ZNF580: variants seen among roughly 807,000 people sequenced by gnomAD.
The protein encoded by ZNF580 is zinc finger protein 580, also known as LDL-induced EC protein.
Under a neutral mutation model 1.3 loss-of-function variants are expected in ZNF580, and 1 was observed. The observed-to-expected ratio is 0.77, with a 90% CI of 0.27 to 3.65. The LOEUF (loss-of-function observed/expected upper bound fraction) is 3.65, where lower values mean the gene tolerates loss of function less well. ZNF580 is among the 30% of genes most tolerant of loss of function. ZNF580 has a pLI of 0.19. For synonymous variants in ZNF580, 135 were observed against 128.8 expected, an observed-to-expected ratio of 1.05 and a Z score of -0.32; for missense variants, 268 against 272.3, an observed-to-expected ratio of 0.98 and a Z score of 0.11.
At position 55,641,047 on chromosome 19, in the gene ZNF580, C is replaced by G; in HGVS notation, c.-149C>G. ...CCAACCCCTCGCACCCCCGCGCCCC[C>G]AGTCCCCGCGTCCCCGGCGCCGCCG... On this transcript the variant is annotated 5_prime_UTR_variant, in exon 1 of 2. Transcript: ENST00000325333. 8 of 985,158 alleles carry G rather than the reference C, an allele frequency of 8.1e-6. No homozygotes were observed. The highest frequency in any genetic ancestry group is 9.6e-6 in the Non-Finnish European group (8 of 829,744). The allele number at this position is 985,158 out of a possible 1,614,324, so 61.0% of individuals were successfully genotyped here. A position where few individuals can be genotyped will look rare whatever the true frequency, so the allele number is the denominator to read the frequency against.
chr19:55,642,187 T>A, intron 1 of ZNF580: 1 of 1,111,354 alleles, frequency 9.0e-7, no homozygotes, highest in East Asian at 5.1e-5. Context: ...CTGGGGTGGG[T>A]TGAGAGGAGA....
chr19:55,642,090 A>G, intron 1 of ZNF580: 1 of 993,614 alleles, frequency 1.0e-6, no homozygotes, highest in African/African-American at 1.7e-5. Flanking sequence ...AAAAAAGAAG[A>G]AACCACAGAT....
In ZNF580 at chr19:55,642,688, G is replaced by C; in HGVS notation, c.180G>C (p.Gly60=). Reference sequence around the variant, plus strand: ...GCCACCTCCTCATCGACGCCAATGGGGTCCCCTACACATACACGGTGCAGC... The same window carrying C: ...GCCACCTCCTCATCGACGCCAATGGCGTCCCCTACACATACACGGTGCAGC... ...LGRHLLIDAN[G]VPYTYTVQLE... Residue 60 remains glycine (G), a synonymous_variant, in exon 2 of 2, where the codon GGG becomes GGC. Transcript: ENST00000325333. 6.9e-7 allele frequency: 1 copy of C among 1,448,744 alleles called. No individual in the cohort carries two copies. The highest frequency in any genetic ancestry group is 9.1e-7 in the Non-Finnish European group (1 of 1,098,978). The allele number at this position is 1,448,744 out of a possible 1,614,324, so 89.7% of individuals were successfully genotyped here. A position where few individuals can be genotyped will look rare whatever the true frequency, so the allele number is the denominator to read the frequency against.
At chr19:55,642,003 G>A in intron 1 of ZNF580, 2 of 963,992 alleles carry the variant, frequency 2.1e-6, no homozygotes, top group Non-Finnish European at 2.4e-6. Flanking sequence ...GGGCCAGGAG[G>A]CCGATACGGG....
intron 1 of ZNF580, chr19:55,642,083 AAAG>A (rs1211078729): frequency 3.0e-6 from 3 of 990,870 alleles, no homozygotes; most frequent in Non-Finnish European, 3.6e-6. Flanking sequence ...CAACAGGAAA[AAAG>A]AAGAAACCAC....
At position 55,642,538 on chromosome 19, in the gene ZNF580, C is replaced by T; in HGVS notation, c.30C>T (p.His10=). Residue 10 remains histidine (H), a synonymous_variant, in exon 2 of 2, where the codon CAC becomes CAT. Transcript: ENST00000325333. MLLLPPRPP[H]PRSSSPEAMD... is the part of the protein sequence containing the mutation. ...TGCTGCTGCCGCCGCGGCCACCCCA[C>T]CCTCGGTCCTCCTCTCCGGAGGCCA... 2.8e-6 allele frequency: 4 copies of T among 1,444,592 alleles called. No individual in the cohort carries two copies. The highest frequency in any genetic ancestry group is 3.6e-6 in the Non-Finnish European group (4 of 1,101,438). 89.5% of individuals were successfully genotyped at this position (1,444,592 alleles called of 1,614,324 possible). A position where few individuals can be genotyped will look rare whatever the true frequency, so the allele number is the denominator to read the frequency against.
chr19:55,641,365 A>T (rs2123626378), intron 1 of ZNF580, among the ~76,000 whole-genome samples, 182 bp downstream of exon 1: 1 of 152,136 alleles, frequency 6.6e-6, no homozygotes, highest in African/African-American at 2.4e-5. Context: ...AGGCAATAGG[A>T]GGGGCCCCAG....
In ZNF580 at chr19:55,642,818, C is replaced by T. The variant is rs750478737; in HGVS notation, c.310C>T (p.Pro104Ser). 57 of 1,573,804 alleles carry T rather than the reference C, an allele frequency of 3.6e-5. No homozygotes were observed. The highest frequency in any genetic ancestry group is 4.5e-5 in the Non-Finnish European group (53 of 1,168,124). ...CPECARVFAS[P>S]LRLQSHRVSH... ...GGAGTGCGCCCGTGTCTTTGCCAGC[C>T]CTCTGCGGCTGCAGAGCCACCGCGT... Residue 104 changes from proline to serine, a missense_variant, in exon 2 of 2, where the codon CCT becomes TCT. Pro to Ser is a moderately conservative substitution (Grantham distance 74). Coordinates refer to ENST00000325333, the MANE Select transcript of ZNF580 (RefSeq NM_207115.2).
chr19:55,642,856 C>T lies in ZNF580; in HGVS notation c.348C>T (p.Asp116=), dbSNP rs777439508. 4.5e-6 allele frequency: 7 copies of T among 1,571,568 alleles called. No individual in the cohort carries two copies. Among genetic ancestry groups the T allele is most frequent in the Non-Finnish European group, 5.1e-6 (6 of 1,167,624 alleles). ...RLQSHRVSHS[D]LKPFTCGACG... Reference sequence around the variant, plus strand: ...AGAGCCACCGCGTGTCGCACTCGGACCTCAAGCCCTTCACGTGCGGCGCCT... The same window carrying T: ...AGAGCCACCGCGTGTCGCACTCGGATCTCAAGCCCTTCACGTGCGGCGCCT... Residue 116 remains aspartate (D), a synonymous_variant, in exon 2 of 2, where the codon GAC becomes GAT. Transcript: ENST00000325333.
intron 1 of ZNF580, among the ~76,000 whole-genome samples, chr19:55,641,568 G>A (rs1268725520): frequency 1.3e-5 from 2 of 152,172 alleles, no homozygotes; most frequent in Non-Finnish European, 2.9e-5. Flanking sequence ...GAAAGGAGGG[G>A]AAAGTGGGCT....
intron 1 of ZNF580, 149 bp downstream of exon 1, chr19:55,641,332 G>T: frequency 2.0e-6 from 1 of 488,368 alleles, no homozygotes; most frequent in Non-Finnish European, 2.7e-6. Context: ...AAGTCGAGGC[G>T]CCAGGGCTCC....
chr19:55,643,181 C>T lies in ZNF580; in HGVS notation c.*154C>T, dbSNP rs1982640471. ...CCCCACCTTCCAAAGGGAGGAGCAT[C>T]ATTCCTTCCTTACCCCCTTTCTAGC... On this transcript the variant is annotated 3_prime_UTR_variant, in exon 2 of 2. Coordinates refer to ENST00000325333, the MANE Select transcript of ZNF580 (RefSeq NM_207115.2). 2 of 1,197,468 alleles carry T rather than the reference C, an allele frequency of 1.7e-6. No homozygotes were observed. Among genetic ancestry groups the T allele is most frequent in the Non-Finnish European group, 2.1e-6 (2 of 933,854 alleles). 74.2% of individuals were successfully genotyped at this position (1,197,468 alleles called of 1,614,324 possible). A position where few individuals can be genotyped will look rare whatever the true frequency, so the allele number is the denominator to read the frequency against.
chr19:55,643,193 A>G lies in ZNF580; in HGVS notation c.*166A>G, dbSNP rs904319296. 3.4e-6 allele frequency: 4 copies of G among 1,166,448 alleles called. No homozygotes were observed. The highest frequency in any genetic ancestry group is 4.4e-6 in the Non-Finnish European group (4 of 907,472). The allele number at this position is 1,166,448 out of a possible 1,614,324, so 72.3% of individuals were successfully genotyped here. The stretch of plus-strand genomic sequence containing the variant: ...AAGGGAGGAGCATCATTCCTTCCTT[A>G]CCCCCTTTCTAGCTGTGTGATGTAG... On this transcript the variant is annotated 3_prime_UTR_variant, in exon 2 of 2. Coordinates refer to ENST00000325333, the MANE Select transcript of ZNF580 (RefSeq NM_207115.2).
intron 1 of ZNF580, 131 bp downstream of exon 1, chr19:55,641,314 G>A: frequency 5.0e-6 from 3 of 594,840 alleles, no homozygotes; most frequent in African/African-American, 2.0e-5. Flanking sequence ...GCGGAGGGAC[G>A]GGAGGGGAAG....
chr19:55,642,022 G>C lies in ZNF580; in HGVS notation c.-12-475G>C, dbSNP rs866871431. 110 of 984,852 alleles carry C rather than the reference G, an allele frequency of 1.1e-4. No homozygotes were observed. The African/African-American group carries it at 1.6e-3, about 14-fold the overall frequency. The allele number at this position is 984,852 out of a possible 1,614,324, so 61.0% of individuals were successfully genotyped here. A position where few individuals can be genotyped will look rare whatever the true frequency, so the allele number is the denominator to read the frequency against. ...CAGGAGGCCGATACGGGGGCCGGTG[G>C]GGGGGTAGGGGGCGGCAAAGGGAGG... On this transcript the variant is annotated intron_variant, in intron 1 of 1. Coordinates refer to ENST00000325333, the MANE Select transcript of ZNF580 (RefSeq NM_207115.2).
rs1206440815 is a variant in ZNF580 at position 55,643,194 on chromosome 19, C to T, written c.*167C>T. 13 of 1,164,354 alleles carry T rather than the reference C, an allele frequency of 1.1e-5. No individual in the cohort carries two copies. The highest frequency in any genetic ancestry group is 4.2e-5 in the Admixed American group (1 of 23,542). 72.1% of individuals were successfully genotyped at this position (1,164,354 alleles called of 1,614,324 possible). A position where few individuals can be genotyped will look rare whatever the true frequency, so the allele number is the denominator to read the frequency against. ...AGGGAGGAGCATCATTCCTTCCTTA[C>T]CCCCTTTCTAGCTGTGTGATGTAGA... On this transcript the variant is annotated 3_prime_UTR_variant, in exon 2 of 2. Transcript: ENST00000325333.
Position 55,642,970 on chromosome 19 carries a change from C to T in ZNF580, c.462C>T (p.Leu154=), listed in dbSNP as rs755381401. 2.2e-6 allele frequency: 3 copies of T among 1,386,894 alleles called. No homozygotes were observed. The East Asian group carries it at 8.9e-5, about 41-fold the overall frequency. The allele number at this position is 1,386,894 out of a possible 1,614,324, so 85.9% of individuals were successfully genotyped here. A position where few individuals can be genotyped will look rare whatever the true frequency, so the allele number is the denominator to read the frequency against. ...ARAGPPHTCP[L]CPRRFQDAAE... ...CCGGGCCGCCGCACACCTGCCCGCT[C>T]TGCCCACGCCGCTTCCAGGACGCCG... Residue 154 remains leucine, a synonymous_variant, in exon 2 of 2, where the codon CTC becomes CTT. Coordinates refer to ENST00000325333, the MANE Select transcript of ZNF580 (RefSeq NM_207115.2).
rs1460829319 is a variant in ZNF580 at position 55,643,219 on chromosome 19, A to G, written c.*192A>G. ...CCCCCTTTCTAGCTGTGTGATGTAG[A>G]CCAAAGTCGTTGCCCCTCCCTGGGC... On this transcript the variant is annotated 3_prime_UTR_variant, in exon 2 of 2. Transcript: ENST00000325333. 9.5e-7 allele frequency: 1 copy of G among 1,048,898 alleles called. No individual in the cohort carries two copies. The highest frequency in any genetic ancestry group is 3.3e-5 in the East Asian group (1 of 30,380). The allele number at this position is 1,048,898 out of a possible 1,614,324, so 65.0% of individuals were successfully genotyped here. A position where few individuals can be genotyped will look rare whatever the true frequency, so the allele number is the denominator to read the frequency against.
Position 55,643,378 on chromosome 19 carries a change from T to TAA in ZNF580, c.*353_*354dup, listed in dbSNP as rs753930323. 46 of 276,678 alleles carry TAA rather than the reference T, an allele frequency of 1.7e-4. 1 individual carries two copies. Among genetic ancestry groups the TAA allele is most frequent in the East Asian group, 1.2e-3 (18 of 14,614 alleles). The allele number at this position is 276,678 out of a possible 1,614,324, so 17.1% of individuals were successfully genotyped here. A position where few individuals can be genotyped will look rare whatever the true frequency, so the allele number is the denominator to read the frequency against. On this transcript the variant is annotated 3_prime_UTR_variant, in exon 2 of 2. Coordinates refer to ENST00000325333, the MANE Select transcript of ZNF580 (RefSeq NM_207115.2). ...GTGGTTGTCTGCGGGGAAGAGATGA[T>TAA]AAAGAGCACGGGCACGGTCTGGTTC...
Sources: gnomAD v4.1 joint callset for allele counts (sites outside exome capture counted in the v4.1 genomes callset) on GRCh38, gnomAD v4.1.1 for gene constraint, MANE v1.5 for transcripts, NCBI Gene and HGNC (gene_info 2026-07-23, HGNC 2026-07-21) for gene names.